The following SCUBE1 variants were observed in gnomAD, a reference collection of about 807,000 sequenced individuals.
SCUBE1 encodes signal peptide, CUB and EGF-like domain-containing protein 1.
SCUBE1 carries 59 observed loss-of-function variants against 124.4 expected under a neutral mutation model. That is an observed-to-expected ratio of 0.47 (90% CI 0.38 to 0.59). The LOEUF is 0.59. Ranked by LOEUF, SCUBE1 falls within the 20% of genes least tolerant of loss-of-function variation. The probability of loss-of-function intolerance (pLI) is 0.00; values close to 1 mark genes in which losing one functional copy is unlikely to be tolerated. For missense variants in SCUBE1, 1,150 were observed against 1,371.2 expected (o/e 0.84, Z 2.55); for synonymous variants, 545 against 550.9 (o/e 0.99, Z 0.15).
intron 4 of SCUBE1, chr22:43,272,305 A>G (rs1924324167): frequency 6.6e-6 from 1 of 152,204 alleles, no homozygotes; most frequent in Non-Finnish European, 1.5e-5. Flanking sequence ...ACACGCTCGC[A>G]GCACCGTCCC....
rs1920986436 is a variant in SCUBE1 at position 43,200,572 on chromosome 22, G to A, written c.*3425C>T. 1 of 152,382 alleles carries A rather than the reference G, an allele frequency of 6.6e-6. No homozygotes were observed. Among genetic ancestry groups the A allele is most frequent in the South Asian group, 2.1e-4 (1 of 4,832 alleles). 9.4% of individuals were successfully genotyped at this position (152,382 alleles called of 1,614,324 possible). A position where few individuals can be genotyped will look rare whatever the true frequency, so the allele number is the denominator to read the frequency against. Reference sequence around the variant, plus strand: ...TTTGCTGTCCACGGAGCTCACCTTGGGACCATCCCGCCCTGAGGCCCAGGG... The same window carrying A: ...TTTGCTGTCCACGGAGCTCACCTTGAGACCATCCCGCCCTGAGGCCCAGGG... On this transcript the variant is annotated 3_prime_UTR_variant, in exon 22 of 22. Transcript: ENST00000360835.
chr22:43,230,911 G>C (rs1471544936), intron 8 of SCUBE1, among the ~76,000 whole-genome samples: 1 of 152,156 alleles, frequency 6.6e-6, no homozygotes, highest in African/African-American at 2.4e-5. Flanking sequence ...AGCACAGCCT[G>C]GTACCCAGAC....
At chr22:43,220,734 G>GCTCGGGGT in intron 13 of SCUBE1, 147 bp from the exon 14 acceptor site, 1 of 1,035,228 alleles carries the variant, frequency 9.7e-7, no homozygotes, top group Non-Finnish European at 1.4e-6. Flanking sequence ...GTCAGGGCTG[G>GCTCGGGGT]CTCGGGGTCT....
At chr22:43,326,852 C>T (rs1926743250) in intron 2 of SCUBE1, among the ~76,000 whole-genome samples, 1 of 152,124 alleles carries the variant, frequency 6.6e-6, no homozygotes, top group Non-Finnish European at 1.5e-5. Context: ...CCTCCACAAA[C>T]ATCTACTCAC....
intron 2 of SCUBE1, among the ~76,000 whole-genome samples, chr22:43,329,842 C>A (rs140369941): frequency 3.3e-5 from 5 of 152,316 alleles, no homozygotes; most frequent in African/African-American, 1.2e-4. Context: ...CAAAGGCACA[C>A]AAGTCCACGG....
chr22:43,207,625 G>A lies in SCUBE1; in HGVS notation c.2735-12C>T. On this transcript the variant is annotated splice_polypyrimidine_tract_variant and intron_variant, in intron 20 of 21. Coordinates refer to ENST00000360835, the MANE Select transcript of SCUBE1 (RefSeq NM_173050.5). Reference sequence around the variant, plus strand: ...TTGCTGGTAGTCCTCTGGGCAGCGGGTCAGCAGGGGGAGAGGAAGGCGAGG... The same window carrying A: ...TTGCTGGTAGTCCTCTGGGCAGCGGATCAGCAGGGGGAGAGGAAGGCGAGG... 1 of 1,610,760 alleles carries A rather than the reference G, an allele frequency of 6.2e-7. No individual in the cohort carries two copies. Among genetic ancestry groups the A allele is most frequent in the Non-Finnish European group, 8.5e-7 (1 of 1,177,126 alleles).
intron 17 of SCUBE1, among the ~76,000 whole-genome samples, chr22:43,212,186 C>G (rs1921590117): frequency 6.6e-6 from 1 of 152,146 alleles, no homozygotes; most frequent in Non-Finnish European, 1.5e-5. Context: ...GAGCCCTCCC[C>G]AGTGCTCCGA....
intron 3 of SCUBE1, among the ~76,000 whole-genome samples, chr22:43,302,698 T>G (rs771306778): frequency 6.6e-6 from 1 of 152,230 alleles, no homozygotes. Context: ...CAGCTGTGAA[T>G]GTGATCCTGG....
intron 4 of SCUBE1, chr22:43,283,158 A>T (rs1924994453): frequency 6.6e-6 from 1 of 152,272 alleles, no homozygotes; most frequent in Admixed American, 6.5e-5. Context: ...GTTGACCAGC[A>T]TATTGGGCAG....
chr22:43,236,932 G>A (rs10427744), intron 7 of SCUBE1, among the ~76,000 whole-genome samples: 38,488 of 152,206 alleles, frequency 0.25, 5,384 homozygotes, highest in African/African-American at 0.38. Context: ...TTCCGTGAGC[G>A]AGCGAGTGAG....
At chr22:43,225,377 G>A (rs898453296) in intron 10 of SCUBE1, among the ~76,000 whole-genome samples, 1 of 152,090 alleles carries the variant, frequency 6.6e-6, no homozygotes, top group South Asian at 2.1e-4. Context: ...TCAGGATATC[G>A]CTGGATAGTT....
At chr22:43,223,582 G>T (rs143229595) in intron 10 of SCUBE1, among the ~76,000 whole-genome samples, 3 of 152,188 alleles carry the variant, frequency 2.0e-5, no homozygotes, top group Admixed American at 6.5e-5. Context: ...GGGGCCGTGG[G>T]GGGGATCGCT....
chr22:43,343,310 C>G lies in SCUBE1; in HGVS notation c.-49G>C. ...GTGCGGGCGTGCGGGGCGCGGGGAC[C>G]CGACCGACCGGCCGCTCCCGCAGGC... is the stretch of plus-strand genomic sequence containing the variant. On this transcript the variant is annotated 5_prime_UTR_variant, in exon 1 of 22. Coordinates refer to ENST00000360835, the MANE Select transcript of SCUBE1 (RefSeq NM_173050.5). 1.1e-6 allele frequency: 1 copy of G among 933,556 alleles called. No homozygotes were observed. Among genetic ancestry groups the G allele is most frequent in the South Asian group, 5.0e-5 (1 of 20,190 alleles). The allele number at this position is 933,556 out of a possible 1,614,324, so 57.8% of individuals were successfully genotyped here.
At chr22:43,233,996 C>T (rs909984744) in intron 7 of SCUBE1, among the ~76,000 whole-genome samples, 2 of 151,922 alleles carry the variant, frequency 1.3e-5, no homozygotes, top group African/African-American at 4.8e-5. Flanking sequence ...GTCACAGCAC[C>T]ACACGCAGGA....
Position 43,210,218 on chromosome 22 carries a change from A to G in SCUBE1, c.2406T>C (p.Leu802=). 6.4e-7 allele frequency: 1 copy of G among 1,567,594 alleles called. No individual in the cohort carries two copies. The change falls in exon 19 of 22, where the codon CTT becomes CTC. Residue 802 remains leucine (L), a synonymous_variant. Transcript: ENST00000360835. The surrounding 1 kb of genome is among the most constrained non-coding windows in gnomAD (Gnocchi z 4.5). ...ACTCGATGTAGCCGGTGTAGTCACC[A>G]AGCTCGCCGCCGCAGTGCTGGTCTG... ...HCKNQHCGGE[L]GDYTGYIESP...
rs1314903401 is a variant in SCUBE1 at position 43,255,298 on chromosome 22, A to G, written c.727+2921T>C. On this transcript the variant is annotated intron_variant, in intron 6 of 21. Coordinates refer to ENST00000360835, the MANE Select transcript of SCUBE1 (RefSeq NM_173050.5). The surrounding 1 kb of genome is among the most constrained non-coding windows in gnomAD (Gnocchi z 4.7). ...ACCTGGAGTGGAGCCCCCCGCACTC[A>G]CACGACACGCAGGACTGCACACACG... 6.6e-6 allele frequency among the ~76,000 whole-genome samples: 1 copy of G among 152,216 alleles called. No homozygotes were observed. Among genetic ancestry groups the G allele is most frequent in the Non-Finnish European group, 1.5e-5 (1 of 68,036 alleles).
rs1341688915 is a variant in SCUBE1, at chr22:43,214,233, G to A, written c.1910C>T (p.Thr637Ile). 6.2e-7 allele frequency: 1 copy of A among 1,612,350 alleles called. No individual in the cohort carries two copies. The highest frequency in any genetic ancestry group is 8.5e-7 in the Non-Finnish European group (1 of 1,179,534). ...CTGGCCGAGCTCACCACCGAAGTGG[G>A]TGCCAGGCCCACAGGCAACTGCAGA... The part of the protein sequence containing the change: ...DSKCVACGPG[T>I]HFGGELGQCV... The change falls in exon 16 of 22, where the codon ACC becomes ATC. Residue 637 changes from threonine to isoleucine, a missense_variant. This residue lies in a region of SCUBE1 where 757 missense variants were observed against 840.9 expected (regional missense o/e 0.90). Transcript: ENST00000360835.
At chr22:43,329,282 G>C (rs568018378) in intron 2 of SCUBE1, among the ~76,000 whole-genome samples, 1 of 152,248 alleles carries the variant, frequency 6.6e-6, no homozygotes, top group Admixed American at 6.5e-5. Context: ...AGGGACAGTT[G>C]GCTAAGCCCC....
intron 10 of SCUBE1, among the ~76,000 whole-genome samples, chr22:43,225,196 C>A (rs757941886): frequency 9.9e-5 from 15 of 152,026 alleles, no homozygotes; most frequent in Admixed American, 2.0e-4. Flanking sequence ...ATCACCCCCC[C>A]ACTCCTGCCC....
Sources: allele counts gnomAD v4.1 joint callset (sites outside exome capture counted in the v4.1 genomes callset), GRCh38; gene constraint gnomAD v4.1.1; regional missense constraint gnomAD v4.1.1; non-coding constraint Gnocchi (gnomAD v3.1); transcripts MANE v1.5; gene names NCBI Gene and HGNC (gene_info 2026-07-23, HGNC 2026-07-21).